FAM210A: variants seen among roughly 807,000 people sequenced by gnomAD.
The protein encoded by FAM210A is family with sequence similarity 210 member A.
FAM210A carries 13 observed loss-of-function variants against 25.3 expected under a neutral mutation model. The ratio of observed to expected loss-of-function variants is 0.51; its 90% CI spans 0.33 to 0.82. FAM210A has a LOEUF of 0.82. Among genes scored for constraint, FAM210A ranks in the 40% least tolerant of loss-of-function variants. FAM210A has a pLI of 0.02. For synonymous variants in FAM210A, 125 were observed against 118.7 expected (o/e 1.05, Z -0.35); for missense variants, 319 against 323.2 (o/e 0.99, Z 0.10).
intron 2 of FAM210A, among the ~76,000 whole-genome samples, chr18:13,674,005 C>T (rs75611509): frequency 7.1e-6 from 1 of 140,836 alleles, no homozygotes; most frequent in African/African-American, 2.7e-5. Context: ...GCCCCGACTT[C>T]ATTTCCAGTT....
At chr18:13,723,811 C>T (rs1447926268) in intron 1 of FAM210A, among the ~76,000 whole-genome samples, 1 of 152,120 alleles carries the variant, frequency 6.6e-6, no homozygotes, top group Admixed American at 6.5e-5. Flanking sequence ...GAAGGAAAAA[C>T]CTTTTAAACA....
chr18:13,677,025 T>A (rs1054466511), intron 2 of FAM210A, among the ~76,000 whole-genome samples: 1 of 151,198 alleles, frequency 6.6e-6, no homozygotes, highest in African/African-American at 2.4e-5. Flanking sequence ...AAGACTCATG[T>A]CTCAAAAAAC....
At position 13,692,864 on chromosome 18, in the gene FAM210A, A is replaced by G. The variant is rs548110504; in HGVS notation, c.-28-10759T>C. On this transcript the variant is annotated intron_variant, in intron 1 of 3. Transcript: ENST00000651643. Reference sequence around the variant, plus strand: ...AGAGAAGCAAGAGCAAACACATTCAAAAGCTAGCAGAAGGCAAGAAATAAC... The same window carrying G: ...AGAGAAGCAAGAGCAAACACATTCAGAAGCTAGCAGAAGGCAAGAAATAAC... Among the ~76,000 whole-genome samples the G allele has an allele frequency of 2.0e-5, 3 of 152,308 alleles. No homozygotes were observed. The South Asian group carries it at 6.2e-4, about 32-fold the overall frequency.
At chr18:13,693,299 AAATTCTAC>A (rs2043664406) in intron 1 of FAM210A, among the ~76,000 whole-genome samples, 1 of 152,058 alleles carries the variant, frequency 6.6e-6, no homozygotes, top group South Asian at 2.1e-4. Flanking sequence ...ATTCACAGCC[AAATTCTAC>A]CAGAGGTACA....
chr18:13,724,145 C>T (rs983864097), intron 1 of FAM210A, among the ~76,000 whole-genome samples: 4 of 152,168 alleles, frequency 2.6e-5, no homozygotes, highest in Non-Finnish European at 5.9e-5. Flanking sequence ...GTGGAGCTCA[C>T]ATTCCAGCAA....
Position 13,666,650 on chromosome 18 carries a change from G to A in FAM210A, c.649C>T (p.Arg217Cys), listed in dbSNP as rs752367715. The change falls in exon 4 of 4, where the codon CGC becomes TGC. Residue 217 changes from arginine to cysteine, a missense_variant. Coordinates refer to ENST00000651643, the MANE Select transcript of FAM210A (RefSeq NM_152352.4). ...GGTSVTVKYL[R>C]SHGYMSTPPP... ...GGCGTGGACATGTAGCCATGACTGC[G>A]CAGATACTTCACAGTGACAGATGTT... 8.1e-6 allele frequency: 13 copies of A among 1,614,040 alleles called. No homozygotes were observed. The Admixed American group carries it at 8.3e-5, about 10-fold the overall frequency.
At position 13,665,265 on chromosome 18, in the gene FAM210A, A is replaced by T. The variant is rs199502262; in HGVS notation, c.*1215T>A. On this transcript the variant is annotated 3_prime_UTR_variant, in exon 4 of 4. Transcript: ENST00000651643. ...TGTGGTGGCACACGCTTATACTCCC[A>T]GCTACTTGGAAAGCTGAGGCGGGAG... 1.3e-5 allele frequency: 2 copies of T among 151,620 alleles called. No individual in the cohort carries two copies. The highest frequency in any genetic ancestry group is 3.9e-4 in the East Asian group (2 of 5,166). 9.4% of individuals were successfully genotyped at this position (151,620 alleles called of 1,614,324 possible).
chr18:13,665,736 A>G lies in FAM210A; in HGVS notation c.*744T>C, dbSNP rs1286093809. 1 of 152,132 alleles carries G rather than the reference A, an allele frequency of 6.6e-6. No homozygotes were observed. The highest frequency in any genetic ancestry group is 1.5e-5 in the Non-Finnish European group (1 of 68,020). The allele number at this position is 152,132 out of a possible 1,614,324, so 9.4% of individuals were successfully genotyped here. ...CCTCTGAAAGACAGTTGAAAAGGAC[A>G]CAAATGATTCACAACAGAGGTTTAT... On this transcript the variant is annotated 3_prime_UTR_variant, in exon 4 of 4. Coordinates refer to ENST00000651643, the MANE Select transcript of FAM210A (RefSeq NM_152352.4).
intron 1 of FAM210A, among the ~76,000 whole-genome samples, chr18:13,683,943 T>C (rs984440961): frequency 6.6e-6 from 1 of 152,212 alleles, no homozygotes; most frequent in African/African-American, 2.4e-5. Flanking sequence ...TTAGTAATTA[T>C]CCACCTACAA....
chr18:13,682,965 A>G (rs2043568450), intron 1 of FAM210A, among the ~76,000 whole-genome samples: 1 of 152,244 alleles, frequency 6.6e-6, no homozygotes, highest in South Asian at 2.1e-4. Flanking sequence ...TAATGTTTTG[A>G]GGCCTCTTGT....
At chr18:13,692,341 TG>T (rs1395737933) in intron 1 of FAM210A, among the ~76,000 whole-genome samples, 1 of 152,056 alleles carries the variant, frequency 6.6e-6, no homozygotes, top group African/African-American at 2.4e-5. Context: ...GACAGATCAA[TG>T]AGACAGAAAG....
chr18:13,675,030 T>C (rs2043480687), intron 2 of FAM210A, among the ~76,000 whole-genome samples: 1 of 121,530 alleles, frequency 8.2e-6, no homozygotes, highest in African/African-American at 3.1e-5. Flanking sequence ...GAGCCCTGGC[T>C]TCTTTATTTC....
At chr18:13,708,738 G>A (rs778604463) in intron 1 of FAM210A, among the ~76,000 whole-genome samples, 2 of 152,150 alleles carry the variant, frequency 1.3e-5, no homozygotes, top group South Asian at 2.1e-4. Flanking sequence ...GTGAAATTCT[G>A]AAAACTACAC....
intron 1 of FAM210A, 51 bp from the exon 2 acceptor site, chr18:13,682,156 T>C (rs2043560975): frequency 5.9e-6 from 7 of 1,188,426 alleles, no homozygotes; most frequent in Middle Eastern, 2.0e-4. Flanking sequence ...GTTTCCATTT[T>C]AAATCAATTC....
rs1054215584 is a variant in FAM210A at position 13,666,373 on chromosome 18, G to A, written c.*107C>T. On this transcript the variant is annotated 3_prime_UTR_variant, in exon 4 of 4. Transcript: ENST00000651643. ...TACTTCTTTAACCCTCAGAGAACTAGTATATTTCGGCAACTAACCAAAAAA... is the reference window on the plus strand; with the variant it reads ...TACTTCTTTAACCCTCAGAGAACTAATATATTTCGGCAACTAACCAAAAAA... 11 of 774,984 alleles carry A rather than the reference G, an allele frequency of 1.4e-5. No homozygotes were observed. The highest frequency in any genetic ancestry group is 3.5e-5 in the African/African-American group (2 of 56,976). The allele number at this position is 774,984 out of a possible 1,614,324, so 48.0% of individuals were successfully genotyped here.
intron 1 of FAM210A, among the ~76,000 whole-genome samples, chr18:13,713,272 C>G (rs2043835565): frequency 6.6e-6 from 1 of 152,186 alleles, no homozygotes; most frequent in Non-Finnish European, 1.5e-5. Flanking sequence ...TACACAAATT[C>G]AACATAACTT....
At chr18:13,692,079 CA>C (rs137984372) in intron 1 of FAM210A, among the ~76,000 whole-genome samples, 135,279 of 147,836 alleles carry the variant, frequency 0.92, 61,969 homozygotes, top group East Asian at 0.94. Context: ...AAATGGAAAA[CA>C]AAAAAAAAGG....
intron 2 of FAM210A, among the ~76,000 whole-genome samples, chr18:13,673,769 G>A (rs2043465429): frequency 1.4e-5 from 2 of 147,104 alleles, no homozygotes; most frequent in African/African-American, 2.5e-5. Context: ...ACATTCCTGA[G>A]CCCCGACTTC....
chr18:13,691,367 C>T (rs1004966873), intron 1 of FAM210A, among the ~76,000 whole-genome samples: 1 of 152,126 alleles, frequency 6.6e-6, no homozygotes, highest in Non-Finnish European at 1.5e-5. Context: ...CCCAGCCTAG[C>T]AAGGCAAGCC....
Sources: gnomAD v4.1 joint callset for allele counts (sites outside exome capture counted in the v4.1 genomes callset) on GRCh38, gnomAD v4.1.1 for gene constraint, MANE v1.5 for transcripts, NCBI Gene and HGNC (gene_info 2026-07-23, HGNC 2026-07-21) for gene names.